The following TANGO6 variants were observed in gnomAD, a reference collection of about 807,000 sequenced individuals.
TANGO6 encodes the protein transport and Golgi organization protein 6 homolog.
TANGO6 carries 90 observed loss-of-function variants against 114.2 expected under a neutral mutation model. The observed-to-expected ratio is 0.79, with a 90% CI of 0.66 to 0.94. TANGO6 has a LOEUF of 0.94. Ranked by LOEUF, TANGO6 falls within the 40% of genes least tolerant of loss-of-function variation. The pLI, the probability that TANGO6 is intolerant of heterozygous loss-of-function variation, is 0.00. For missense variants in TANGO6, 1,274 were observed against 1,315.3 expected, an observed-to-expected ratio of 0.97 and a Z score of 0.49; for synonymous variants, 477 against 509.8, an observed-to-expected ratio of 0.94 and a Z score of 0.87.
intron 14 of TANGO6, among the ~76,000 whole-genome samples, chr16:68,938,287 T>G (rs1293681350): frequency 6.6e-6 from 1 of 152,316 alleles, no homozygotes; most frequent in East Asian, 1.9e-4. Context: ...AGGAGAAATG[T>G]TACATTTTGT....
At chr16:69,049,428 TTTTC>T (rs1459805349) in intron 17 of TANGO6, among the ~76,000 whole-genome samples, 1 of 151,452 alleles carries the variant, frequency 6.6e-6, no homozygotes, top group Non-Finnish European at 1.5e-5. Context: ...TAAAAATTTT[TTTTC>T]TTTCTTTTTT....
chr16:69,047,198 G>T (rs1386404995), intron 17 of TANGO6, among the ~76,000 whole-genome samples: 2 of 125,960 alleles, frequency 1.6e-5, no homozygotes, highest in Non-Finnish European at 1.8e-5. Flanking sequence ...AAAAAAAAAA[G>T]AGTGATTTTA....
intron 11 of TANGO6, among the ~76,000 whole-genome samples, chr16:68,915,336 A>G: frequency 6.6e-6 from 1 of 152,080 alleles, no homozygotes; most frequent in South Asian, 2.1e-4. Flanking sequence ...GCTAAATCAC[A>G]GCTCACTGCA....
chr16:68,978,469 CAT>C (rs1159998124), intron 15 of TANGO6, among the ~76,000 whole-genome samples: 1 of 152,218 alleles, frequency 6.6e-6, no homozygotes, highest in Non-Finnish European at 1.5e-5. Context: ...CAACTGTAAA[CAT>C]AGCCTTAGCT....
At chr16:68,960,491 AATT>A (rs1379274831) in intron 14 of TANGO6, among the ~76,000 whole-genome samples, 7 of 151,346 alleles carry the variant, frequency 4.6e-5, no homozygotes, top group Admixed American at 4.6e-4. Context: ...TTATTTAATT[AATT>A]ATTATTCTTA....
intron 14 of TANGO6, among the ~76,000 whole-genome samples, chr16:68,968,984 T>C (rs76896559): frequency 6.6e-6 from 1 of 152,204 alleles, no homozygotes; most frequent in Non-Finnish European, 1.5e-5. Flanking sequence ...AACATTTTTT[T>C]AGTTACGTTA....
intron 4 of TANGO6, chr16:68,867,426 C>T (rs775327606): frequency 5.6e-5 from 31 of 556,612 alleles, no homozygotes; most frequent in Non-Finnish European, 9.0e-5. Context: ...TCCTAAAACA[C>T]TTGTGATACA....
chr16:69,038,903 G>A (rs963345769), intron 16 of TANGO6, among the ~76,000 whole-genome samples: 3 of 152,078 alleles, frequency 2.0e-5, no homozygotes, highest in South Asian at 2.1e-4. Flanking sequence ...ATTTAGGTGG[G>A]CCAGGCTCAG....
chr16:69,002,323 T>C (rs1964051595), intron 15 of TANGO6, among the ~76,000 whole-genome samples: 2 of 152,128 alleles, frequency 1.3e-5, no homozygotes, highest in African/African-American at 2.4e-5. Flanking sequence ...ATATAAAATT[T>C]GGGTGATATG....
chr16:69,021,836 A>G (rs1221109174), intron 15 of TANGO6, among the ~76,000 whole-genome samples: 1 of 149,102 alleles, frequency 6.7e-6, no homozygotes, highest in Non-Finnish European at 1.5e-5. Context: ...TTATTAAGCT[A>G]TATACTTATG....
At chr16:68,873,069 T>G (rs1378201112) in intron 4 of TANGO6, among the ~76,000 whole-genome samples, 1 of 151,614 alleles carries the variant, frequency 6.6e-6, no homozygotes. Flanking sequence ...AGCTGTGCAG[T>G]CATCACCAAT....
At chr16:68,910,155 C>T (rs1699614337) in intron 11 of TANGO6, among the ~76,000 whole-genome samples, 1 of 152,188 alleles carries the variant, frequency 6.6e-6, no homozygotes, top group Non-Finnish European at 1.5e-5. Flanking sequence ...GCATGATTGT[C>T]ACGCTTAAAT....
intron 14 of TANGO6, among the ~76,000 whole-genome samples, chr16:68,971,913 G>A (rs571470887): frequency 6.6e-6 from 1 of 152,164 alleles, no homozygotes; most frequent in East Asian, 1.9e-4. Context: ...GATTACACGC[G>A]TGAGCCACTG....
chr16:69,003,523 A>C (rs1964063830), intron 15 of TANGO6, among the ~76,000 whole-genome samples: 1 of 152,220 alleles, frequency 6.6e-6, no homozygotes, highest in Admixed American at 6.5e-5. Flanking sequence ...TTTCAAGGGA[A>C]AAGAAAACAG....
intron 14 of TANGO6, among the ~76,000 whole-genome samples, chr16:68,969,845 G>A (rs137917730): frequency 2.6e-4 from 40 of 152,186 alleles, no homozygotes; most frequent in African/African-American, 9.4e-4. Context: ...CCTGGGTCCC[G>A]GAGCTGAAAA....
chr16:68,975,194 T>C (rs1385321971), intron 15 of TANGO6, among the ~76,000 whole-genome samples: 1 of 152,192 alleles, frequency 6.6e-6, no homozygotes, highest in African/African-American at 2.4e-5. Context: ...TAAACCTGTT[T>C]TACAGATGAA....
At chr16:68,984,688 AT>A (rs1268365035) in intron 15 of TANGO6, among the ~76,000 whole-genome samples, 3 of 151,812 alleles carry the variant, frequency 2.0e-5, no homozygotes, top group African/African-American at 7.3e-5. Context: ...TGCCCAGCTA[AT>A]TTTTTTATTT....
chr16:69,063,568 C>G (rs1960161062), intron 17 of TANGO6, among the ~76,000 whole-genome samples: 1 of 147,224 alleles, frequency 6.8e-6, no homozygotes, highest in South Asian at 2.2e-4. Flanking sequence ...CACCTGTAAT[C>G]CCAGCTACTC....
At chr16:68,879,260 T>C (rs1300638517) in intron 6 of TANGO6, among the ~76,000 whole-genome samples, 1 of 152,018 alleles carries the variant, frequency 6.6e-6, no homozygotes, top group Non-Finnish European at 1.5e-5. Flanking sequence ...GGTGGGAGGA[T>C]CACTTGAGCC....
Sources: gnomAD v4.1 joint callset for allele counts (sites outside exome capture counted in the v4.1 genomes callset) on GRCh38, gnomAD v4.1.1 for gene constraint, MANE v1.5 for transcripts, NCBI Gene and HGNC (gene_info 2026-07-23, HGNC 2026-07-21) for gene names.